COL28A1: variants seen among roughly 807,000 people sequenced by gnomAD.
COL28A1 encodes collagen alpha-1(XXVIII) chain.
In COL28A1, 161 loss-of-function variants were observed where a neutral mutation model predicts 150.2. The ratio of observed to expected loss-of-function variants is 1.07; its 90% confidence interval spans 0.94 to 1.22. The LOEUF (loss-of-function observed/expected upper bound fraction) is 1.22. Ranked by LOEUF, COL28A1 falls within the 50% of genes most tolerant of loss-of-function variation. COL28A1 has a pLI of 0.00. For missense variants in COL28A1, 1,617 were observed against 1,388.3 expected (o/e 1.16, Z -2.62); for synonymous variants, 552 against 469.7 (o/e 1.18, Z -2.26).
chr7:7,445,518 T>C lies in COL28A1; in HGVS notation c.1510-1029A>G, dbSNP rs192324380. 4.0e-3 allele frequency among the ~76,000 whole-genome samples: 608 copies of C among 152,310 alleles called. 3 individuals are homozygous for C. Among genetic ancestry groups the C allele is most frequent in the Admixed American group, 8.6e-3 (132 of 15,294 alleles). On this transcript the variant is annotated intron_variant, in intron 18 of 34. Coordinates refer to ENST00000399429, the MANE Select transcript of COL28A1 (RefSeq NM_001037763.3). Reference sequence around the variant, plus strand: ...TCCTAGTACTTTCTTACATCAGCTCTAGAAAACTAATATAAAAGTGAAATA... The same window carrying C: ...TCCTAGTACTTTCTTACATCAGCTCCAGAAAACTAATATAAAAGTGAAATA...
At chr7:7,396,352 G>A (rs967495811) in intron 27 of COL28A1, among the ~76,000 whole-genome samples, 1 of 152,066 alleles carries the variant, frequency 6.6e-6, no homozygotes, top group African/African-American at 2.4e-5. Context: ...TAAAACCAAG[G>A]CTTCACTAAT....
chr7:7,433,729 T>C (rs1441265168), intron 23 of COL28A1, among the ~76,000 whole-genome samples: 3 of 152,156 alleles, frequency 2.0e-5, no homozygotes, highest in Non-Finnish European at 2.9e-5. Context: ...TCCACTGATC[T>C]GTTACACCGA....
At chr7:7,409,404 T>G (rs1473648244) in intron 27 of COL28A1, among the ~76,000 whole-genome samples, 2 of 151,364 alleles carry the variant, frequency 1.3e-5, no homozygotes, top group African/African-American at 2.4e-5. Flanking sequence ...TAGACAGATA[T>G]GAGTAGGTGG....
At chr7:7,417,575 G>T in intron 27 of COL28A1, 1 of 288,166 alleles carries the variant, frequency 3.5e-6, no homozygotes, top group Non-Finnish European at 6.3e-6. Flanking sequence ...GAGAGCAACT[G>T]AGTATAAATT....
chr7:7,379,298 C>G (rs1343409449), intron 30 of COL28A1, among the ~76,000 whole-genome samples: 1 of 152,162 alleles, frequency 6.6e-6, no homozygotes, highest in Non-Finnish European at 1.5e-5. Flanking sequence ...TTTTCCTTCA[C>G]TCTTCTCGTC....
At chr7:7,347,588 A>T in the COL28A1 span, among the ~76,000 whole-genome samples, 1 of 152,120 alleles carries the variant, frequency 6.6e-6, no homozygotes, top group Non-Finnish European at 1.5e-5. Context: ...TTGTGCTGTT[A>T]GTAAATACCA....
At chr7:7,341,810 G>C in the COL28A1 span, among the ~76,000 whole-genome samples, 1 of 152,032 alleles carries the variant, frequency 6.6e-6, no homozygotes, top group African/African-American at 2.4e-5. Context: ...CAGAGAAAAT[G>C]CTTTGCCTTT....
At chr7:7,371,911 T>A (rs7798333) in intron 32 of COL28A1, among the ~76,000 whole-genome samples, 1 of 151,786 alleles carries the variant, frequency 6.6e-6, no homozygotes, top group Non-Finnish European at 1.5e-5. Context: ...CGGCTCACTG[T>A]AACCTCCGCC....
Position 7,532,683 on chromosome 7 carries a change from A to G in COL28A1, c.124+69T>C, listed in dbSNP as rs1782434843. On this transcript the variant is annotated intron_variant, in intron 2 of 34. Transcript: ENST00000399429. The stretch of plus-strand genomic sequence containing the variant: ...TGGCTTGCTATTTATATCAAATGCT[A>G]TTTAGAAAAATTCACATAAGTATTT... The G allele has an allele frequency of 3.2e-6, 5 of 1,549,096 alleles. No individual in the cohort carries two copies. In the African/African-American group the frequency reaches 5.5e-5, roughly 17 times the overall value.
At chr7:7,440,763 G>C (rs765510905) in intron 21 of COL28A1, 27 bp downstream of exon 21, 30 of 1,015,496 alleles carry the variant, frequency 3.0e-5, no homozygotes, top group Non-Finnish European at 4.5e-5. Context: ...ACTCCTCAAA[G>C]CGTAAGTCAG....
intron 18 of COL28A1, among the ~76,000 whole-genome samples, chr7:7,450,317 G>GA (rs1280272501): frequency 7.2e-5 from 11 of 151,990 alleles, no homozygotes; most frequent in Admixed American, 3.3e-4. Flanking sequence ...AAAATTTTCA[G>GA]AAAAATGCAT....
At chr7:7,522,077 A>G in intron 4 of COL28A1, 116 bp from the exon 5 acceptor site, 4 of 729,726 alleles carry the variant, frequency 5.5e-6, no homozygotes, top group Non-Finnish European at 9.9e-6. Context: ...TTCAAATAGC[A>G]TTTCAAATTG....
At chr7:7,446,417 A>T (rs545955317) in intron 18 of COL28A1, among the ~76,000 whole-genome samples, 51 of 152,284 alleles carry the variant, frequency 3.3e-4, no homozygotes, top group African/African-American at 1.2e-3. Context: ...AAGCTAGATA[A>T]ACCAATAATA....
intron 13 of COL28A1, among the ~76,000 whole-genome samples, chr7:7,484,946 A>T (rs977337925): frequency 6.6e-6 from 1 of 152,114 alleles, no homozygotes; most frequent in Non-Finnish European, 1.5e-5. Flanking sequence ...GACACAAAGA[A>T]GGGAACAGCA....
chr7:7,397,818 C>T (rs1445978158), intron 27 of COL28A1, among the ~76,000 whole-genome samples: 5 of 152,184 alleles, frequency 3.3e-5, no homozygotes. Flanking sequence ...GTGAGGTCCA[C>T]CCACCAGCCA....
chr7:7,514,907 T>C (rs1022265245), intron 8 of COL28A1, among the ~76,000 whole-genome samples: 3 of 152,130 alleles, frequency 2.0e-5, no homozygotes, highest in African/African-American at 7.2e-5. Flanking sequence ...ATGATGGATA[T>C]GGAAAGGAGG....
At position 7,517,785 on chromosome 7, in the gene COL28A1, T is replaced by A. The variant is rs773825549; in HGVS notation, c.855+11A>T. 1 of 1,613,672 alleles carries A rather than the reference T, an allele frequency of 6.2e-7. No individual in the cohort carries two copies. Among genetic ancestry groups the A allele is most frequent in the Non-Finnish European group, 8.5e-7 (1 of 1,179,634 alleles). On this transcript the variant is annotated intron_variant, in intron 7 of 34. Coordinates refer to ENST00000399429, the MANE Select transcript of COL28A1 (RefSeq NM_001037763.3). ...CACTTTCTTAGGAAGGCATTCCAGT[T>A]GTGTACATACCCCTGGACCTCTTTC... is the stretch of plus-strand genomic sequence containing the variant.
At chr7:7,402,382 A>G (rs1376060598) in intron 27 of COL28A1, among the ~76,000 whole-genome samples, 4 of 152,220 alleles carry the variant, frequency 2.6e-5, no homozygotes, top group Non-Finnish European at 5.9e-5. Context: ...ATATGGATTC[A>G]ATCTTACTAG....
chr7:7,395,546 C>G (rs1782787916), intron 27 of COL28A1, among the ~76,000 whole-genome samples: 1 of 152,152 alleles, frequency 6.6e-6, no homozygotes, highest in South Asian at 2.1e-4. Flanking sequence ...GATTTGCAGT[C>G]CTGTGTGATA....
Sources: gnomAD v4.1 joint callset for allele counts (sites outside exome capture counted in the v4.1 genomes callset) on GRCh38, gnomAD v4.1.1 for gene constraint, MANE v1.5 for transcripts, NCBI Gene and HGNC (gene_info 2026-07-23, HGNC 2026-07-21) for gene names.